The following TMEM132C variants were observed in gnomAD, a reference collection of about 807,000 sequenced individuals.
TMEM132C encodes the protein transmembrane protein 132C, also known as protein phosphatase 1, regulatory subunit 152.
In TMEM132C, 29 loss-of-function variants were observed where a neutral mutation model predicts 61.4. The ratio of observed to expected loss-of-function variants is 0.47; its 90% confidence interval spans 0.35 to 0.64. The LOEUF is 0.64. Ranked by LOEUF, TMEM132C falls within the 30% of genes least tolerant of loss-of-function variation. The pLI, the probability that TMEM132C is intolerant of heterozygous loss-of-function variation, is 0.00. For synonymous variants in TMEM132C, 656 were observed against 633.1 expected (o/e 1.04, Z -0.54); for missense variants, 1,408 against 1,476.9 (o/e 0.95, Z 0.76).
At chr12:128,503,073 G>A (rs77688267) in intron 2 of TMEM132C, among the ~76,000 whole-genome samples, 25 of 152,292 alleles carry the variant, frequency 1.6e-4, no homozygotes, top group African/African-American at 4.6e-4. Context: ...TTCTCAGAGC[G>A]ATGGCATCTA....
In TMEM132C at chr12:128,285,492, C is replaced by T. The variant is rs76840817; in HGVS notation, c.85+18005C>T. Among the ~76,000 whole-genome samples the T allele has an allele frequency of 9.2e-5, 14 of 152,204 alleles. No homozygotes were observed. The East Asian group carries it at 1.2e-3, about 13-fold the overall frequency. On this transcript the variant is annotated intron_variant, in intron 1 of 8. Coordinates refer to ENST00000435159, the MANE Select transcript of TMEM132C (RefSeq NM_001136103.3). ...CAGGGAAGAACATTAGACTCTTAAA[C>T]ACAAGTAACAGGTTAACACCAGTGT...
At chr12:128,424,525 G>A (rs1869113259) in intron 2 of TMEM132C, among the ~76,000 whole-genome samples, 1 of 151,868 alleles carries the variant, frequency 6.6e-6, no homozygotes, top group Non-Finnish European at 1.5e-5. Context: ...GCCTAAAATA[G>A]GCAAATCCAT....
At chr12:128,500,167 C>G (rs1872112090) in intron 2 of TMEM132C, among the ~76,000 whole-genome samples, 2 of 152,142 alleles carry the variant, frequency 1.3e-5, no homozygotes, top group Non-Finnish European at 2.9e-5. Flanking sequence ...GCAAAACAAC[C>G]CAGTTGCAAC....
intron 3 of TMEM132C, among the ~76,000 whole-genome samples, chr12:128,594,177 C>T (rs1384530637): frequency 6.6e-6 from 1 of 152,090 alleles, no homozygotes; most frequent in East Asian, 1.9e-4. Context: ...AGTCCTTCGC[C>T]CTGCACAGCT....
intron 3 of TMEM132C, among the ~76,000 whole-genome samples, chr12:128,607,045 A>G (rs983863178): frequency 6.6e-5 from 10 of 152,146 alleles, no homozygotes; most frequent in African/African-American, 2.4e-4. Context: ...AGTGCTGTAG[A>G]AAAGGCCAGA....
chr12:128,267,592 G>C, intron 1 of TMEM132C, 105 bp downstream of exon 1: 1 of 949,100 alleles, frequency 1.1e-6, no homozygotes. Flanking sequence ...CGGGGGCCTC[G>C]GCGGGGGCTC....
chr12:128,451,251 C>T (rs1870165944), intron 2 of TMEM132C, among the ~76,000 whole-genome samples: 2 of 151,960 alleles, frequency 1.3e-5, no homozygotes, highest in Non-Finnish European at 1.5e-5. Context: ...TCCTTGAGCA[C>T]CAGAGGAAGA....
chr12:128,551,060 A>G (rs1398499184), intron 3 of TMEM132C, among the ~76,000 whole-genome samples: 1 of 152,126 alleles, frequency 6.6e-6, no homozygotes, highest in African/African-American at 2.4e-5. Context: ...TGCAATGTGA[A>G]CTATTTCCCT....
chr12:128,505,556 G>C (rs1019309973), intron 2 of TMEM132C, among the ~76,000 whole-genome samples: 1 of 152,182 alleles, frequency 6.6e-6, no homozygotes, highest in Non-Finnish European at 1.5e-5. Context: ...AAATTGACAA[G>C]TGTTCCTCAT....
At chr12:128,597,496 AGAAG>A (rs35995948) in intron 3 of TMEM132C, among the ~76,000 whole-genome samples, 28,860 of 149,270 alleles carry the variant, frequency 0.19, 3,810 homozygotes, top group East Asian at 0.52. Flanking sequence ...AAGGAAGGAA[AGAAG>A]GAAGGAAGGA....
intron 3 of TMEM132C, among the ~76,000 whole-genome samples, chr12:128,571,916 G>A (rs1413832929): frequency 6.6e-6 from 1 of 152,236 alleles, no homozygotes; most frequent in Non-Finnish European, 1.5e-5. Context: ...AGCCATGACT[G>A]CTCCTCCACT....
intron 5 of TMEM132C, among the ~76,000 whole-genome samples, chr12:128,681,630 C>G (rs1954635421): frequency 6.6e-6 from 1 of 150,566 alleles, no homozygotes; most frequent in African/African-American, 2.4e-5. Flanking sequence ...CCTACCATGG[C>G]TGCAGACAGC....
rs1028720686 is a variant in TMEM132C at position 128,409,120 on chromosome 12, C to T, written c.86-5612C>T. Among the ~76,000 whole-genome samples the T allele has an allele frequency of 3.0e-4, 45 of 152,118 alleles. 1 individual carries two copies. Among genetic ancestry groups the T allele is most frequent in the Non-Finnish European group, 1.5e-4 (10 of 68,024 alleles). On this transcript the variant is annotated intron_variant, in intron 1 of 8. Coordinates refer to ENST00000435159, the MANE Select transcript of TMEM132C (RefSeq NM_001136103.3). ...CTTGGGTTTTCAAAGTTAGCAATTG[C>T]GGCAGTTGAAGTGTCTGGGTCATGA...
Position 128,705,130 on chromosome 12 carries a change from C to G in TMEM132C, c.2162C>G (p.Ser721Cys), listed in dbSNP as rs1004081678. 1.2e-5 allele frequency: 18 copies of G among 1,549,822 alleles called. No individual in the cohort carries two copies. The highest frequency in any genetic ancestry group is 3.9e-5 in the Admixed American group (2 of 50,874). The change falls in exon 9 of 9, where the codon TCT becomes TGT. Residue 721 changes from serine to cysteine, a missense_variant. By Grantham distance (112) the Ser-to-Cys change is moderately radical. Transcript: ENST00000435159. ...ACGTGGCTGCAGTTCAGTGATGGCT[C>G]TGTGACGCCCCTGGACATCTACGAC... ...FSTWLQFSDG[S>C]VTPLDIYDTK...
At chr12:128,376,001 G>A (rs1348088853) in intron 1 of TMEM132C, among the ~76,000 whole-genome samples, 1 of 152,220 alleles carries the variant, frequency 6.6e-6, no homozygotes, top group African/African-American at 2.4e-5. Flanking sequence ...TTGCGTTTGA[G>A]GCTGCCTGCG....
chr12:128,564,572 A>T (rs182800534), intron 3 of TMEM132C, among the ~76,000 whole-genome samples: 1 of 152,238 alleles, frequency 6.6e-6, no homozygotes, highest in Non-Finnish European at 1.5e-5. Context: ...AGATATGGGT[A>T]CGATGGGTCC....
chr12:128,277,496 C>T (rs149970570), intron 1 of TMEM132C, among the ~76,000 whole-genome samples: 69 of 152,362 alleles, frequency 4.5e-4, no homozygotes, highest in African/African-American at 1.4e-3. Flanking sequence ...TACAGCCTTT[C>T]GCCCACTTAC....
intron 3 of TMEM132C, among the ~76,000 whole-genome samples, chr12:128,593,382 G>A (rs1875828866): frequency 6.6e-6 from 1 of 151,442 alleles, no homozygotes; most frequent in East Asian, 1.9e-4. Flanking sequence ...GTAAGAAACA[G>A]ATCTCTCCCT....
intron 2 of TMEM132C, among the ~76,000 whole-genome samples, chr12:128,422,823 T>A (rs1869035052): frequency 1.3e-5 from 2 of 152,222 alleles, no homozygotes; most frequent in Admixed American, 6.5e-5. Flanking sequence ...GCTCCAGGTC[T>A]GACAACCAAA....
Sources: allele counts gnomAD v4.1 joint callset (sites outside exome capture counted in the v4.1 genomes callset), GRCh38; gene constraint gnomAD v4.1.1; transcripts MANE v1.5; gene names NCBI Gene and HGNC (gene_info 2026-07-23, HGNC 2026-07-21).